The following COMMD10 variants were observed in gnomAD, a reference collection of about 807,000 sequenced individuals.
COMMD10 encodes COMM domain containing 10.
COMMD10 carries 33 observed loss-of-function variants against 28.9 expected under a neutral mutation model. The ratio of observed to expected loss-of-function variants is 1.14; its 90% CI spans 0.87 to 1.53. COMMD10 has a LOEUF of 1.53. Among genes scored for constraint, COMMD10 ranks in the 40% most tolerant of loss-of-function variants. COMMD10 has a pLI of 0.00. For synonymous variants in COMMD10, 110 were observed against 81.7 expected (o/e 1.35, Z -1.87); for missense variants, 310 against 233.4 (o/e 1.33, Z -2.14).
chr5:116,216,627 A>G (rs1749108528), intron 5 of COMMD10, among the ~76,000 whole-genome samples: 1 of 152,018 alleles, frequency 6.6e-6, no homozygotes. Flanking sequence ...TGCCTCCCGG[A>G]GGTTCAAGCA....
chr5:116,173,815 T>C (rs1242017689), intron 5 of COMMD10, among the ~76,000 whole-genome samples: 2 of 150,588 alleles, frequency 1.3e-5, no homozygotes, highest in African/African-American at 5.0e-5. Flanking sequence ...TTTCCAACTG[T>C]TTTTGGGTTT....
At chr5:116,127,231 A>T (rs1751686326) in intron 4 of COMMD10, among the ~76,000 whole-genome samples, 1 of 152,156 alleles carries the variant, frequency 6.6e-6, no homozygotes, top group South Asian at 2.1e-4. Context: ...ATGAGATACC[A>T]CCTCACACCA....
intron 4 of COMMD10, among the ~76,000 whole-genome samples, chr5:116,127,426 G>A (rs1751692685): frequency 6.6e-6 from 1 of 152,094 alleles, no homozygotes; most frequent in Non-Finnish European, 1.5e-5. Flanking sequence ...CCATTACTAG[G>A]TATATACCCA....
chr5:116,247,910 A>G (rs1749995631), intron 5 of COMMD10, among the ~76,000 whole-genome samples: 1 of 152,052 alleles, frequency 6.6e-6, no homozygotes, highest in African/African-American at 2.4e-5. Context: ...ACAGATCCCC[A>G]TGACACAAGT....
At chr5:116,183,983 A>G (rs1748057768) in intron 5 of COMMD10, among the ~76,000 whole-genome samples, 1 of 152,108 alleles carries the variant, frequency 6.6e-6, no homozygotes, top group Non-Finnish European at 1.5e-5. Context: ...GTGGATTTTA[A>G]TTATTTTAAT....
At chr5:116,118,837 A>C (rs1356524321) in intron 4 of COMMD10, among the ~76,000 whole-genome samples, 2 of 152,232 alleles carry the variant, frequency 1.3e-5, no homozygotes, top group Admixed American at 1.3e-4. Flanking sequence ...AATCAGTCTT[A>C]TTTGAAACAG....
chr5:116,154,852 T>C (rs1405300375), intron 5 of COMMD10, among the ~76,000 whole-genome samples: 1 of 152,064 alleles, frequency 6.6e-6, no homozygotes. Flanking sequence ...GGTCTCACTT[T>C]AGTGCAAAAG....
chr5:116,191,794 A>T (rs72804877), intron 5 of COMMD10, among the ~76,000 whole-genome samples: 8,892 of 151,848 alleles, frequency 0.059, 349 homozygotes, highest in East Asian at 0.15. Context: ...ACTACAGCTG[A>T]TGCTCTCTGG....
intron 4 of COMMD10, among the ~76,000 whole-genome samples, chr5:116,125,375 G>A (rs1300836697): frequency 6.6e-6 from 1 of 152,094 alleles, no homozygotes; most frequent in Non-Finnish European, 1.5e-5. Context: ...TTGAACATTG[G>A]CCCCCACTCT....
chr5:116,250,864 GAA>G (rs1335116341), intron 5 of COMMD10, among the ~76,000 whole-genome samples: 2 of 151,996 alleles, frequency 1.3e-5, no homozygotes, highest in African/African-American at 4.8e-5. Flanking sequence ...ACCCAGATTA[GAA>G]ACCAGTCTGA....
intron 5 of COMMD10, among the ~76,000 whole-genome samples, chr5:116,147,306 G>A (rs893255770): frequency 6.6e-6 from 1 of 151,798 alleles, no homozygotes; most frequent in Non-Finnish European, 1.5e-5. Flanking sequence ...ATAGAAATGG[G>A]GTTGATGAAG....
At chr5:116,184,404 T>C (rs905543333) in intron 5 of COMMD10, among the ~76,000 whole-genome samples, 1 of 152,028 alleles carries the variant, frequency 6.6e-6, no homozygotes, top group African/African-American at 2.4e-5. Flanking sequence ...CATGATCCTA[T>C]TATTTAGTGA....
intron 2 of COMMD10, among the ~76,000 whole-genome samples, chr5:116,090,402 T>C (rs112452111): frequency 8.9e-4 from 135 of 152,326 alleles, no homozygotes; most frequent in African/African-American, 3.1e-3. Context: ...GAAATGCTGA[T>C]GGAAGTCAGG....
At chr5:116,228,552 C>T (rs532863522) in intron 5 of COMMD10, among the ~76,000 whole-genome samples, 35 of 151,824 alleles carry the variant, frequency 2.3e-4, no homozygotes, top group Non-Finnish European at 4.3e-4. Flanking sequence ...TGACAAAGAA[C>T]CTTTAATAGA....
At chr5:116,104,873 C>T (rs1475069789) in intron 4 of COMMD10, among the ~76,000 whole-genome samples, 5 of 152,214 alleles carry the variant, frequency 3.3e-5, no homozygotes, top group Admixed American at 3.3e-4. Context: ...TCCGCCTTGG[C>T]CTCCCAAAGT....
chr5:116,205,685 T>G (rs1322057767), intron 5 of COMMD10, among the ~76,000 whole-genome samples: 1 of 152,168 alleles, frequency 6.6e-6, no homozygotes, highest in Non-Finnish European at 1.5e-5. Flanking sequence ...AATAGCATTC[T>G]ATTTCATACC....
chr5:116,179,953 C>G (rs1747892615), intron 5 of COMMD10, among the ~76,000 whole-genome samples: 1 of 151,976 alleles, frequency 6.6e-6, no homozygotes, highest in African/African-American at 2.4e-5. Flanking sequence ...AAGCAGAATG[C>G]TATTTCCATG....
chr5:116,287,119 T>G (rs1042545467), intron 5 of COMMD10, among the ~76,000 whole-genome samples: 1 of 151,792 alleles, frequency 6.6e-6, no homozygotes, highest in Non-Finnish European at 1.5e-5. Flanking sequence ...TTTTAAATAA[T>G]GTCATTTTGT....
chr5:116,225,808 G>GT lies in COMMD10; in HGVS notation c.511-65696dup, dbSNP rs113147659. Among the ~76,000 whole-genome samples the GT allele has an allele frequency of 3.2e-3, 475 of 148,026 alleles. 1 individual carries two copies. The highest frequency in any genetic ancestry group is 4.6e-3 in the Non-Finnish European group (307 of 66,996). On this transcript the variant is annotated intron_variant, in intron 5 of 6. Coordinates refer to ENST00000274458, the MANE Select transcript of COMMD10 (RefSeq NM_016144.4). Reference sequence around the variant, plus strand: ...AAAGAATCACAGATTCTAAAATCTTGTTTTTTTTTTTTTCTCTTCCTGCTT... The same window carrying GT: ...AAAGAATCACAGATTCTAAAATCTTGTTTTTTTTTTTTTTCTCTTCCTGCTT...
Sources: gnomAD v4.1 joint callset for allele counts (sites outside exome capture counted in the v4.1 genomes callset) on GRCh38, gnomAD v4.1.1 for gene constraint, MANE v1.5 for transcripts, NCBI Gene and HGNC (gene_info 2026-07-23, HGNC 2026-07-21) for gene names.